Variants in RPL13A observed in about 807,000 individuals in gnomAD.
RPL13A encodes large ribosomal subunit protein uL13.
Under a neutral mutation model 30.8 loss-of-function variants are expected in RPL13A, and 4 were observed. The ratio of observed to expected loss-of-function variants is 0.13; its 90% CI spans 0.06 to 0.30. The LOEUF (loss-of-function observed/expected upper bound fraction) is 0.30. Ranked by LOEUF, RPL13A falls within the 10% of genes least tolerant of loss-of-function variation. The pLI is 1.00. For missense variants in RPL13A, 196 were observed against 272.6 expected (o/e 0.72, Z 1.98); for synonymous variants, 108 against 104.2 (o/e 1.04, Z -0.22).
chr19:49,490,760 GCTAT>G lies in RPL13A; in HGVS notation c.257-16_257-13del, dbSNP rs775247080. ...CTTATGAGGCCCTCTGACTGGGCCT[GCTAT>G]CTGTCACCCAACAGGTATGCTGCCC... On this transcript the variant is annotated splice_polypyrimidine_tract_variant and intron_variant, in intron 4 of 7. Transcript: ENST00000391857. The G allele has an allele frequency of 3.3e-4, 529 of 1,614,014 alleles. No homozygotes were observed. Among genetic ancestry groups the G allele is most frequent in the Non-Finnish European group, 3.9e-4 (466 of 1,179,914 alleles).
rs1298613131 is a variant in RPL13A at position 49,492,103 on chromosome 19, G to A, written c.*288G>A. On this transcript the variant is annotated 3_prime_UTR_variant, in exon 8 of 8. Coordinates refer to ENST00000391857, the MANE Select transcript of RPL13A (RefSeq NM_012423.4). Reference sequence around the variant, plus strand: ...TTGGAGGGCCCTATCTTGTGAGTGGGGCATCTGTTGGACTTTCCACCTGGT... The same window carrying A: ...TTGGAGGGCCCTATCTTGTGAGTGGAGCATCTGTTGGACTTTCCACCTGGT... 5 of 377,690 alleles carry A rather than the reference G, an allele frequency of 1.3e-5. No homozygotes were observed. Among genetic ancestry groups the A allele is most frequent in the Non-Finnish European group, 2.0e-5 (4 of 201,168 alleles). 23.4% of individuals were successfully genotyped at this position (377,690 alleles called of 1,614,324 possible).
intron 6 of RPL13A, 23 bp from the exon 7 acceptor site, chr19:49,491,402 A>AGC: frequency 4.2e-6 from 1 of 236,630 alleles, no homozygotes; most frequent in African/African-American, 5.4e-5. Flanking sequence ...TCATTTGTTC[A>AGC]CCCCCCCCCC....
chr19:49,491,418 C>CA lies in RPL13A; in HGVS notation c.403-7_403-6insA. On this transcript the variant is annotated splice_polypyrimidine_tract_variant and splice_region_variant and intron_variant, in intron 6 of 7. Coordinates refer to ENST00000391857, the MANE Select transcript of RPL13A (RefSeq NM_012423.4). ...CATTTGTTCACCCCCCCCCCCCCCC[C>CA]CCGCAGTTTGCCTATCTGGGGCGCC... The CA allele has an allele frequency of 8.6e-7, 1 of 1,168,118 alleles. No homozygotes were observed. Among genetic ancestry groups the CA allele is most frequent in the Non-Finnish European group, 1.2e-6 (1 of 857,260 alleles). 72.4% of individuals were successfully genotyped at this position (1,168,118 alleles called of 1,614,324 possible).
At chr19:49,490,746 C>T (rs1323204575) in intron 4 of RPL13A, 33 bp from the exon 5 acceptor site, 1 of 1,613,620 alleles carries the variant, frequency 6.2e-7, no homozygotes, top group Non-Finnish European at 8.5e-7. Context: ...TTATGAGGCC[C>T]TCTGACTGGG....
chr19:49,488,512 C>G (rs1035376733), intron 1 of RPL13A, among the ~76,000 whole-genome samples: 4 of 152,172 alleles, frequency 2.6e-5, no homozygotes, highest in Admixed American at 6.6e-5. Context: ...GTTCAGTTAA[C>G]CATATTCCTG....
In RPL13A at chr19:49,491,859, C is replaced by T. The variant is rs1395786606; in HGVS notation, c.*44C>T. 6.8e-7 allele frequency: 1 copy of T among 1,479,554 alleles called. No homozygotes were observed. Among genetic ancestry groups the T allele is most frequent in the African/African-American group, 1.4e-5 (1 of 72,900 alleles). 91.7% of individuals were successfully genotyped at this position (1,479,554 alleles called of 1,614,324 possible). ...ATTCCTCATGCGTTGCCTGCCCTTCCTCCATTGTTGCCCTGGAATGTACGG... is the reference window on the plus strand; with the variant it reads ...ATTCCTCATGCGTTGCCTGCCCTTCTTCCATTGTTGCCCTGGAATGTACGG... On this transcript the variant is annotated 3_prime_UTR_variant, in exon 8 of 8. Transcript: ENST00000391857.
chr19:49,489,562 C>CAATTGCTTTGCAAAATACAATCTGAGCAT, intron 1 of RPL13A, among the ~76,000 whole-genome samples: 1 of 152,310 alleles, frequency 6.6e-6, no homozygotes, highest in South Asian at 2.1e-4. Context: ...CGTTCAAATC[C>CAATTGCTTTGCAAAATACAATCTGAGCAT]AATTGCTTTG....
intron 1 of RPL13A, among the ~76,000 whole-genome samples, chr19:49,488,197 G>A (rs1245496178): frequency 2.0e-5 from 3 of 152,162 alleles, no homozygotes; most frequent in Non-Finnish European, 2.9e-5. Flanking sequence ...GGGCACTCTG[G>A]AATGAACTCG....
Position 49,489,514 on chromosome 19 carries a change from G to C in RPL13A, c.16-336G>C, listed in dbSNP as rs540989945. On this transcript the variant is annotated intron_variant, in intron 1 of 7. Coordinates refer to ENST00000391857, the MANE Select transcript of RPL13A (RefSeq NM_012423.4). ...TACAGTTTATTAGTTACAAGGTCTT[G>C]TAACTGGGTAGTCAGTGGGCAGAGC... is the stretch of plus-strand genomic sequence containing the variant. Among the ~76,000 whole-genome samples the C allele has an allele frequency of 7.2e-5, 11 of 152,336 alleles. No individual in the cohort carries two copies. In the South Asian group the frequency reaches 2.3e-3, roughly 32 times the overall value.
chr19:49,491,878 T>A lies in RPL13A; in HGVS notation c.*63T>A, dbSNP rs559917649. On this transcript the variant is annotated 3_prime_UTR_variant, in exon 8 of 8. Coordinates refer to ENST00000391857, the MANE Select transcript of RPL13A (RefSeq NM_012423.4). ...CCCTTCCTCCATTGTTGCCCTGGAATGTACGGGACCCAGGGGCAGCAGCAG... is the reference window on the plus strand; with the variant it reads ...CCCTTCCTCCATTGTTGCCCTGGAAAGTACGGGACCCAGGGGCAGCAGCAG... 3.1e-5 allele frequency: 42 copies of A among 1,338,718 alleles called. No homozygotes were observed. The African/African-American group carries it at 4.1e-4, about 13-fold the overall frequency. 82.9% of individuals were successfully genotyped at this position (1,338,718 alleles called of 1,614,324 possible). A position where few individuals can be genotyped will look rare whatever the true frequency, so the allele number is the denominator to read the frequency against.
chr19:49,491,008 C>G, intron 5 of RPL13A, 32 bp from the exon 6 acceptor site: 1 of 1,613,720 alleles, frequency 6.2e-7, no homozygotes, highest in South Asian at 1.1e-5. Context: ...CTGTCCCTCC[C>G]GGGCTCTTAA....
intron 6 of RPL13A, 156 bp downstream of exon 6, chr19:49,491,255 C>T (rs767511190): frequency 1.0e-5 from 12 of 1,183,936 alleles, no homozygotes; most frequent in Admixed American, 1.7e-5. Flanking sequence ...TAGCTGATGC[C>T]AGGAGGCTTG....
Position 49,491,833 on chromosome 19 carries a change from A to G in RPL13A, c.*18A>G. ...TGGTCTGAGCCCAATAAAGACTGTT[A>G]ATTCCTCATGCGTTGCCTGCCCTTC... On this transcript the variant is annotated 3_prime_UTR_variant, in exon 8 of 8. Transcript: ENST00000391857. The G allele has an allele frequency of 1.3e-6, 2 of 1,576,098 alleles. No individual in the cohort carries two copies. Among genetic ancestry groups the G allele is most frequent in the Non-Finnish European group, 1.7e-6 (2 of 1,154,754 alleles).
At chr19:49,489,573 C>G (rs975087034) in intron 1 of RPL13A, among the ~76,000 whole-genome samples, 2 of 152,312 alleles carry the variant, frequency 1.3e-5, no homozygotes, top group African/African-American at 4.8e-5. Flanking sequence ...AATTGCTTTG[C>G]AAAATACAAT....
chr19:49,490,284 C>G lies in RPL13A; in HGVS notation c.141C>G (p.Phe47Leu). 1 of 1,614,142 alleles carries G rather than the reference C, an allele frequency of 6.2e-7. No homozygotes were observed. The highest frequency in any genetic ancestry group is 8.5e-7 in the Non-Finnish European group (1 of 1,179,996). ...RCEGINISGN[F>L]YRNKLKYLAF... ...AAGGCATCAACATTTCTGGCAATTT[C>G]TACAGAAACAAGTGTAAGTTAGGAC... The change falls in exon 3 of 8, where the codon TTC becomes TTG. Residue 47 changes from phenylalanine to leucine, a missense_variant. By Grantham distance (22) the Phe-to-Leu change is conservative. Transcript: ENST00000391857.
chr19:49,491,023 CT>C lies in RPL13A; in HGVS notation c.343-16del, dbSNP rs1008242934. On this transcript the variant is annotated splice_polypyrimidine_tract_variant and intron_variant, in intron 5 of 7. Coordinates refer to ENST00000391857, the MANE Select transcript of RPL13A (RefSeq NM_012423.4). Reference sequence around the variant, plus strand: ...CTGTCCCTCCCGGGCTCTTAAGCCCCTCTCTTTCTCTAACAGAAAAAGCGGA... The same window carrying C: ...CTGTCCCTCCCGGGCTCTTAAGCCCCCTCTTTCTCTAACAGAAAAAGCGGA... 5 of 1,614,106 alleles carry C rather than the reference CT, an allele frequency of 3.1e-6. No homozygotes were observed. In the African/African-American group the frequency reaches 6.7e-5, roughly 22 times the overall value.
rs1386732330 is a variant in RPL13A at position 49,489,900 on chromosome 19, C to T, written c.66C>T (p.Ile22=). Residue 22 remains isoleucine, a synonymous_variant, in exon 2 of 8, where the codon ATC becomes ATT. Coordinates refer to ENST00000391857, the MANE Select transcript of RPL13A (RefSeq NM_012423.4). The part of the protein sequence containing the change: ...RGHLLGRLAA[I]VAKQVLLGRK... ...ATCTCCTGGGCCGCCTGGCGGCCAT[C>T]GTGGCTAAACAGGTACTGCTGGGTA... The T allele has an allele frequency of 5.6e-6, 9 of 1,613,798 alleles. No individual in the cohort carries two copies. The highest frequency in any genetic ancestry group is 1.3e-5 in the African/African-American group (1 of 74,946).
chr19:49,491,367 T>TG, intron 6 of RPL13A, 58 bp from the exon 7 acceptor site: 1 of 1,308,794 alleles, frequency 7.6e-7, no homozygotes, highest in Non-Finnish European at 1.0e-6. Context: ...CTTCAGGGTG[T>TG]GGGGGCTTAG....
rs1455352333 is a variant in RPL13A at position 49,491,502 on chromosome 19, G to A, written c.480G>A (p.Arg160=). Residue 160 remains arginine (R), a synonymous_variant, in exon 7 of 8, where the codon AGG becomes AGA. Coordinates refer to ENST00000391857, the MANE Select transcript of RPL13A (RefSeq NM_012423.4). ...QAVTATLEEK[R]KEKAKIHYRK... is the part of the protein sequence containing the mutation. ...TGACAGCCACCCTGGAGGAGAAGAGGAAAGAGAAAGCCAAGATCCACTACC... is the reference window on the plus strand; with the variant it reads ...TGACAGCCACCCTGGAGGAGAAGAGAAAAGAGAAAGCCAAGATCCACTACC... 7.4e-6 allele frequency: 11 copies of A among 1,492,694 alleles called. No homozygotes were observed. The highest frequency in any genetic ancestry group is 2.7e-5 in the East Asian group (1 of 37,344). The allele number at this position is 1,492,694 out of a possible 1,614,324, so 92.5% of individuals were successfully genotyped here.
Sources: gnomAD v4.1 joint callset for allele counts (sites outside exome capture counted in the v4.1 genomes callset) on GRCh38, gnomAD v4.1.1 for gene constraint, MANE v1.5 for transcripts, NCBI Gene and HGNC (gene_info 2026-07-23, HGNC 2026-07-21) for gene names.